KIF6: variants seen among roughly 807,000 people sequenced by gnomAD.
KIF6 encodes the protein kinesin family member 6, also known as kinesin-like protein KIF6.
In KIF6, 106 loss-of-function variants were observed where a neutral mutation model predicts 112.7. That is an observed-to-expected ratio of 0.94 (90% confidence interval 0.80 to 1.11). KIF6 has a LOEUF of 1.11. Among genes scored for constraint, KIF6 ranks in the 50% least tolerant of loss-of-function variants. The probability of loss-of-function intolerance (pLI) is 0.00; values close to 1 mark genes in which losing one functional copy is unlikely to be tolerated. For missense variants in KIF6, 929 were observed against 964.0 expected, an observed-to-expected ratio of 0.96 and a Z score of 0.48; for synonymous variants, 339 against 339.9, an observed-to-expected ratio of 1.00 and a Z score of 0.03.
chr6:39,544,624 G>A lies in KIF6; in HGVS notation c.1357C>T (p.Gln453Ter). 6.2e-7 allele frequency: 1 copy of A among 1,611,838 alleles called. No homozygotes were observed. Among genetic ancestry groups the A allele is most frequent in the Non-Finnish European group, 8.5e-7 (1 of 1,178,492 alleles). The stretch of plus-strand genomic sequence containing the variant: ...TATTCTTCTTCTTTTAATGGTTCTT[G>A]ACAATCTTGGTCTTTGCTTTCAGAG... Reference protein sequence around the residue: ...VSSESKDQDCQEPLKEEEYRK... With the variant: ...VSSESKDQDC Residue 453 changes from glutamine to a stop codon, truncating the protein, a stop_gained, in exon 12 of 23, where the codon CAA (glutamine) becomes TAA (stop). Transcript: ENST00000287152. LOFTEE classifies it high-confidence loss of function.
chr6:39,641,387 C>T (rs747685173), intron 3 of KIF6, among the ~76,000 whole-genome samples: 12 of 151,932 alleles, frequency 7.9e-5, no homozygotes, highest in South Asian at 2.1e-4. Flanking sequence ...AGCAAACTAT[C>T]GCAAGGGCAA....
intron 16 of KIF6, among the ~76,000 whole-genome samples, chr6:39,372,918 T>C (rs189661758): frequency 6.6e-6 from 1 of 152,318 alleles, no homozygotes. Context: ...CCCAAACTAA[T>C]CATCACCTTC....
chr6:39,722,998 C>A (rs575516459), intron 1 of KIF6, among the ~76,000 whole-genome samples: 1 of 152,232 alleles, frequency 6.6e-6, no homozygotes, highest in Non-Finnish European at 1.5e-5. Flanking sequence ...AGCCCCACCC[C>A]TACCCATCCT....
intron 13 of KIF6, among the ~76,000 whole-genome samples, chr6:39,456,307 G>A (rs1409730142): frequency 8.1e-6 from 1 of 122,864 alleles, no homozygotes; most frequent in Non-Finnish European, 1.7e-5. Context: ...ATACTTTACA[G>A]ACAAGCAAAT....
chr6:39,374,323 A>T (rs868332661), intron 16 of KIF6, among the ~76,000 whole-genome samples: 3 of 152,182 alleles, frequency 2.0e-5, no homozygotes, highest in Non-Finnish European at 2.9e-5. Context: ...CTAGGCAATG[A>T]TTTTCTGGCT....
chr6:39,625,656 A>G (rs1443671193), intron 5 of KIF6, among the ~76,000 whole-genome samples: 1 of 152,198 alleles, frequency 6.6e-6, no homozygotes, highest in Non-Finnish European at 1.5e-5. Flanking sequence ...ACAGAAAAAA[A>G]TAACACAAAT....
chr6:39,382,890 G>A (rs977274319), intron 16 of KIF6, among the ~76,000 whole-genome samples: 4 of 148,904 alleles, frequency 2.7e-5, no homozygotes, highest in African/African-American at 5.1e-5. Context: ...ATCTCGTTGC[G>A]ATTTTGATTT....
intron 1 of KIF6, among the ~76,000 whole-genome samples, chr6:39,724,812 C>T (rs1291064520): frequency 6.6e-6 from 1 of 152,208 alleles, no homozygotes; most frequent in Non-Finnish European, 1.5e-5. Flanking sequence ...AAACACGCAT[C>T]TCTTGCTTGC....
At chr6:39,406,192 T>C (rs983070663) in intron 15 of KIF6, among the ~76,000 whole-genome samples, 4 of 152,130 alleles carry the variant, frequency 2.6e-5, no homozygotes, top group African/African-American at 9.7e-5. Context: ...AGCTAATTTT[T>C]GTATTTTTGG....
chr6:39,619,093 CT>C (rs2150731702), intron 5 of KIF6, among the ~76,000 whole-genome samples: 1 of 152,266 alleles, frequency 6.6e-6, no homozygotes. Context: ...TTAATATAAT[CT>C]GCAACCTACA....
At chr6:39,471,686 C>T (rs1253557775) in intron 13 of KIF6, among the ~76,000 whole-genome samples, 2 of 152,124 alleles carry the variant, frequency 1.3e-5, no homozygotes, top group Non-Finnish European at 2.9e-5. Flanking sequence ...TAGAAAAGGT[C>T]TAGGTAACTC....
intron 13 of KIF6, among the ~76,000 whole-genome samples, chr6:39,510,895 A>AAAAC (rs1776745735): frequency 2.7e-5 from 4 of 150,170 alleles, no homozygotes; most frequent in Non-Finnish European, 3.0e-5. Flanking sequence ...AAAAAAAAAA[A>AAAAC]AAGCAAGGGT....
At chr6:39,525,258 C>T (rs1777648498) in intron 13 of KIF6, among the ~76,000 whole-genome samples, 1 of 152,152 alleles carries the variant, frequency 6.6e-6, no homozygotes, top group Non-Finnish European at 1.5e-5. Context: ...ATCCTCCCAC[C>T]TCAGCCTCCC....
At chr6:39,439,749 A>T (rs1021644799) in intron 13 of KIF6, among the ~76,000 whole-genome samples, 4 of 152,000 alleles carry the variant, frequency 2.6e-5, no homozygotes, top group Non-Finnish European at 4.4e-5. Context: ...TAACGAATAC[A>T]ACTTGGTACT....
At position 39,707,216 on chromosome 6, in the gene KIF6, C is replaced by G. The variant is rs146461583; in HGVS notation, c.251+7476G>C. On this transcript the variant is annotated intron_variant, in intron 3 of 22. Coordinates refer to ENST00000287152, the MANE Select transcript of KIF6 (RefSeq NM_145027.6). ...AAATCTACTGGTGTTAACATTTTAC[C>G]AGTTTGAATGAAGTGTAGAAACCTT... Among the ~76,000 whole-genome samples the G allele has an allele frequency of 4.4e-3, 669 of 152,316 alleles. 6 individuals carry two copies. The highest frequency in any genetic ancestry group is 0.016 in the African/African-American group (650 of 41,566).
At chr6:39,580,550 A>C (rs1781230159) in intron 9 of KIF6, among the ~76,000 whole-genome samples, 1 of 152,040 alleles carries the variant, frequency 6.6e-6, no homozygotes, top group Non-Finnish European at 1.5e-5. Flanking sequence ...TTTCTTCTAA[A>C]ATTTCACCTT....
chr6:39,585,292 C>T (rs571511221), intron 8 of KIF6, among the ~76,000 whole-genome samples: 8 of 152,258 alleles, frequency 5.3e-5, no homozygotes, highest in South Asian at 4.1e-4. Context: ...TCATAAGGAG[C>T]GGGCAACCTA....
chr6:39,411,616 C>T (rs1769481023), intron 15 of KIF6, among the ~76,000 whole-genome samples: 1 of 152,110 alleles, frequency 6.6e-6, no homozygotes, highest in African/African-American at 2.4e-5. Context: ...GCTGGTCAGC[C>T]TGGAGAACAG....
intron 3 of KIF6, among the ~76,000 whole-genome samples, chr6:39,660,853 G>A (rs1418796106): frequency 6.6e-6 from 1 of 152,126 alleles, no homozygotes; most frequent in Non-Finnish European, 1.5e-5. Context: ...AAGCCATTAT[G>A]GATTATTCCA....
Sources: allele counts gnomAD v4.1 joint callset (sites outside exome capture counted in the v4.1 genomes callset), GRCh38; gene constraint gnomAD v4.1.1; transcripts MANE v1.5; gene names NCBI Gene and HGNC (gene_info 2026-07-23, HGNC 2026-07-21).